BEND7: variants seen among roughly 807,000 people sequenced by gnomAD.
The protein encoded by BEND7 is BEN domain containing 7, also known as BEN domain-containing protein 7.
A neutral mutation model predicts 50.9 loss-of-function variants in BEND7; 28 were observed. The ratio of observed to expected loss-of-function variants is 0.55; its 90% CI spans 0.41 to 0.75. The LOEUF is 0.75. Among genes scored for constraint, BEND7 ranks in the 30% least tolerant of loss-of-function variants. The pLI, the probability that BEND7 is intolerant of heterozygous loss-of-function variation, is 0.00. For missense variants in BEND7, 477 were observed against 491.3 expected (o/e 0.97, Z 0.28); for synonymous variants, 170 against 183.9 (o/e 0.92, Z 0.61).
chr10:13,460,806 G>A (rs1276479618), intron 6 of BEND7, among the ~76,000 whole-genome samples: 5 of 152,112 alleles, frequency 3.3e-5, no homozygotes, highest in African/African-American at 1.2e-4. Flanking sequence ...CTGGGGGGAG[G>A]GTTACAAATC....
chr10:13,481,176 C>CT lies in BEND7; in HGVS notation c.838-53dup, dbSNP rs1187641501. 3 of 1,573,858 alleles carry CT rather than the reference C, an allele frequency of 1.9e-6. No individual in the cohort carries two copies. The South Asian group carries it at 3.4e-5, about 18-fold the overall frequency. ...TAAAAGCAAGATTTGAAGCATCTGA[C>CT]TTTGGGTACATGAGCAACAAAAAAA... On this transcript the variant is annotated intron_variant, in intron 5 of 8. Coordinates refer to ENST00000466271, the MANE Select transcript of BEND7 (RefSeq NM_001369863.1).
In BEND7 at chr10:13,506,655, G is replaced by A. The variant is rs547544545; in HGVS notation, c.146-6575C>T. On this transcript the variant is annotated intron_variant, in intron 2 of 8. Coordinates refer to ENST00000466271, the MANE Select transcript of BEND7 (RefSeq NM_001369863.1). ...ACAAAAACAATTCTGGCAAAATTAT[G>A]GTGAAACCGGTATGGCATAGAGGAA... is the stretch of plus-strand genomic sequence containing the variant. Among the ~76,000 whole-genome samples the A allele has an allele frequency of 2.0e-5, 3 of 152,260 alleles. No homozygotes were observed. The South Asian group carries it at 6.2e-4, about 32-fold the overall frequency.
chr10:13,460,485 G>A (rs1404066549), intron 6 of BEND7, among the ~76,000 whole-genome samples: 1 of 152,164 alleles, frequency 6.6e-6, no homozygotes, highest in Non-Finnish European at 1.5e-5. Context: ...GGCTGGCCTT[G>A]GACTCCTGGC....
intron 8 of BEND7, 65 bp downstream of exon 8, chr10:13,447,201 A>AT (rs11408564): frequency 0.33 from 508,604 of 1,555,394 alleles, 87,409 homozygotes; most frequent in African/African-American, 0.53. Flanking sequence ...ATCGTTTTCA[A>AT]TGCAAATAGT....
At chr10:13,468,040 G>A (rs775882010) in intron 6 of BEND7, among the ~76,000 whole-genome samples, 16 of 152,228 alleles carry the variant, frequency 1.1e-4, no homozygotes, top group South Asian at 4.2e-4. Context: ...CGATCTGCCC[G>A]GGAAGTTCAA....
At chr10:13,517,126 G>A (rs185242850) in intron 2 of BEND7, among the ~76,000 whole-genome samples, 337 of 149,102 alleles carry the variant, frequency 2.3e-3, no homozygotes, top group African/African-American at 7.7e-3. Context: ...GTGCAATGGT[G>A]CTATCTCAGC....
At chr10:13,477,610 AAAATGTATTAGG>A (rs1173463370) in intron 6 of BEND7, among the ~76,000 whole-genome samples, 1 of 152,268 alleles carries the variant, frequency 6.6e-6, no homozygotes, top group Non-Finnish European at 1.5e-5. Flanking sequence ...ACAGTAAAGA[AAAATGTATTAGG>A]AAGTTAAGAG....
At chr10:13,476,508 TCTCAA>T (rs1408334720) in intron 6 of BEND7, among the ~76,000 whole-genome samples, 1 of 152,140 alleles carries the variant, frequency 6.6e-6, no homozygotes, top group Non-Finnish European at 1.5e-5. Flanking sequence ...AATAAAACTT[TCTCAA>T]CTCATCACTA....
intron 6 of BEND7, among the ~76,000 whole-genome samples, chr10:13,462,815 C>T (rs896204977): frequency 6.6e-6 from 1 of 152,082 alleles, no homozygotes; most frequent in African/African-American, 2.4e-5. Flanking sequence ...GCACAACAAT[C>T]AAGTATATTA....
intron 6 of BEND7, among the ~76,000 whole-genome samples, chr10:13,455,002 T>C (rs1291283321): frequency 6.6e-6 from 1 of 151,992 alleles, no homozygotes; most frequent in Non-Finnish European, 1.5e-5. Context: ...TGAAACCCCA[T>C]CTCTACTAAA....
chr10:13,505,213 TCGATCCAGACATCAGCTTTATACAA>T (rs1280822911), intron 2 of BEND7, among the ~76,000 whole-genome samples: 1 of 152,204 alleles, frequency 6.6e-6, no homozygotes, highest in Admixed American at 6.5e-5. Context: ...CTCAGTGTGG[TCGATCCAGACATCAGCTTTATACAA>T]CTGCTGCCTG....
rs1360065724 is a variant in BEND7 at position 13,528,425 on chromosome 10, A to AGGGCGCGGCGCCCGC, written c.61+33_61+47dup. 5 of 938,300 alleles carry AGGGCGCGGCGCCCGC rather than the reference A, an allele frequency of 5.3e-6. No homozygotes were observed. In the East Asian group the frequency reaches 5.6e-4, roughly 105 times the overall value. 58.1% of individuals were successfully genotyped at this position (938,300 alleles called of 1,614,324 possible). The stretch of plus-strand genomic sequence containing the variant: ...CAGCGTGGACCCCCGCGGGCGGCCG[A>AGGGCGCGGCGCCCGC]GGGCGCGGCGCCCGCTGCCTGCCCC... On this transcript the variant is annotated intron_variant, in intron 1 of 8. Coordinates refer to ENST00000466271, the MANE Select transcript of BEND7 (RefSeq NM_001369863.1).
intron 6 of BEND7, among the ~76,000 whole-genome samples, chr10:13,479,794 T>A (rs1281796968): frequency 4.0e-5 from 5 of 126,146 alleles, no homozygotes; most frequent in Non-Finnish European, 7.1e-5. Context: ...AAATTCTCTG[T>A]TAATGAAGGC....
At chr10:13,502,013 T>C (rs2077508431) in intron 2 of BEND7, among the ~76,000 whole-genome samples, 1 of 152,190 alleles carries the variant, frequency 6.6e-6, no homozygotes, top group South Asian at 2.1e-4. Context: ...AATATAATGA[T>C]TGCACTTAGG....
chr10:13,493,261 T>C (rs2076796772), intron 4 of BEND7, among the ~76,000 whole-genome samples: 1 of 152,260 alleles, frequency 6.6e-6, no homozygotes, highest in Non-Finnish European at 1.5e-5. Context: ...TGCTTCCTTG[T>C]AATCCTGTTT....
intron 2 of BEND7, among the ~76,000 whole-genome samples, chr10:13,503,822 G>A (rs1240447130): frequency 1.3e-5 from 2 of 152,184 alleles, no homozygotes; most frequent in Admixed American, 6.5e-5. Flanking sequence ...GCTGAGAGTC[G>A]GCAGGGAAGG....
chr10:13,464,464 A>T (rs1186671450), intron 6 of BEND7, among the ~76,000 whole-genome samples: 2 of 152,214 alleles, frequency 1.3e-5, no homozygotes, highest in African/African-American at 4.8e-5. Context: ...AACAATAATG[A>T]ATAGGATTGA....
chr10:13,488,306 C>T lies in BEND7; in HGVS notation c.837+4305G>A, dbSNP rs1455859802. Among the ~76,000 whole-genome samples the T allele has an allele frequency of 2.0e-5, 3 of 151,272 alleles. No homozygotes were observed. In the East Asian group the frequency reaches 5.8e-4, roughly 29 times the overall value. On this transcript the variant is annotated intron_variant, in intron 5 of 8. Transcript: ENST00000466271. ...CTGATTGTTTCACCAAGCTGAAAAA[C>T]AAGAAACGAAAAGTAACAACAACAA...
At chr10:13,503,787 T>C (rs1406668112) in intron 2 of BEND7, among the ~76,000 whole-genome samples, 1 of 152,178 alleles carries the variant, frequency 6.6e-6, no homozygotes, top group Non-Finnish European at 1.5e-5. Context: ...CAGAAGTCTG[T>C]GCTGAGAGGA....
Sources: gnomAD v4.1 joint callset for allele counts (sites outside exome capture counted in the v4.1 genomes callset) on GRCh38, gnomAD v4.1.1 for gene constraint, MANE v1.5 for transcripts, NCBI Gene and HGNC (gene_info 2026-07-23, HGNC 2026-07-21) for gene names.